The following PPP2R5E variants were observed in gnomAD, a reference collection of about 807,000 sequenced individuals.
PPP2R5E encodes the protein protein phosphatase 2 regulatory subunit B'epsilon.
In PPP2R5E, 4 loss-of-function variants were observed where a neutral mutation model predicts 65.3. That is an observed-to-expected ratio of 0.06 (90% CI 0.03 to 0.14). PPP2R5E has a LOEUF of 0.14. Among genes scored for constraint, PPP2R5E ranks in the 10% least tolerant of loss-of-function variants. PPP2R5E has a pLI of 1.00. For synonymous variants in PPP2R5E, 183 were observed against 187.4 expected (o/e 0.98, Z 0.19); for missense variants, 274 against 556.1 (o/e 0.49, Z 5.10).
At chr14:63,512,825 C>A (rs2139701776) in intron 2 of PPP2R5E, among the ~76,000 whole-genome samples, 1 of 151,484 alleles carries the variant, frequency 6.6e-6, no homozygotes, top group South Asian at 2.1e-4. Flanking sequence ...ATCCTCCCTA[C>A]CTATAAATGT....
intron 3 of PPP2R5E, among the ~76,000 whole-genome samples, chr14:63,433,264 C>T (rs1004452990): frequency 6.6e-5 from 10 of 151,974 alleles, no homozygotes; most frequent in African/African-American, 2.4e-4. Context: ...TCTCAAACTC[C>T]TGAGCACAGG....
chr14:63,417,489 G>GAA (rs61229217), intron 4 of PPP2R5E, among the ~76,000 whole-genome samples: 64 of 121,406 alleles, frequency 5.3e-4, no homozygotes, highest in East Asian at 1.3e-3. Context: ...TCATGAGGAG[G>GAA]AAAAAAAAAA....
intron 2 of PPP2R5E, among the ~76,000 whole-genome samples, chr14:63,472,461 A>G (rs1169225237): frequency 6.6e-6 from 1 of 152,232 alleles, no homozygotes; most frequent in Non-Finnish European, 1.5e-5. Flanking sequence ...AGGAAAATGT[A>G]ATGACACAGA....
In PPP2R5E at chr14:63,372,201, A is replaced by G. The variant is rs1883726046; in HGVS notation, c.*3808T>C. Reference sequence around the variant, plus strand: ...TTCCAAGAGAGATACTACTGCTGCTATCGTGCACAAGAAGCAGCACAAATT... The same window carrying G: ...TTCCAAGAGAGATACTACTGCTGCTGTCGTGCACAAGAAGCAGCACAAATT... On this transcript the variant is annotated 3_prime_UTR_variant, in exon 14 of 14. Coordinates refer to ENST00000337537, the MANE Select transcript of PPP2R5E (RefSeq NM_006246.5). 6.6e-6 allele frequency: 1 copy of G among 152,182 alleles called. No individual in the cohort carries two copies. The highest frequency in any genetic ancestry group is 2.4e-5 in the African/African-American group (1 of 41,446). The allele number at this position is 152,182 out of a possible 1,614,324, so 9.4% of individuals were successfully genotyped here.
intron 2 of PPP2R5E, among the ~76,000 whole-genome samples, chr14:63,527,127 C>T (rs1893215887): frequency 6.6e-6 from 1 of 152,148 alleles, no homozygotes; most frequent in Admixed American, 6.5e-5. Flanking sequence ...CAAGATCAAG[C>T]CGTTGCTCTC....
Position 63,408,502 on chromosome 14 carries a change from C to T in PPP2R5E, c.549+6638G>A, listed in dbSNP as rs555319002. Among the ~76,000 whole-genome samples, 6 of 152,228 alleles carry T rather than the reference C, an allele frequency of 3.9e-5. No individual in the cohort carries two copies. In the South Asian group the frequency reaches 1.2e-3, roughly 32 times the overall value. On this transcript the variant is annotated intron_variant, in intron 5 of 13. Transcript: ENST00000337537. ...CGCTATTATGTTCCATTCTACTGTT[C>T]CAAAGCCATACTGTTTTAATTAACT...
chr14:63,528,629 A>G (rs1893279874), intron 2 of PPP2R5E, among the ~76,000 whole-genome samples: 1 of 152,230 alleles, frequency 6.6e-6, no homozygotes, highest in Non-Finnish European at 1.5e-5. Flanking sequence ...TCATTAAACA[A>G]GTTTATATTT....
intron 1 of PPP2R5E, among the ~76,000 whole-genome samples, chr14:63,542,254 C>T (rs1219382365): frequency 6.6e-6 from 1 of 152,166 alleles, no homozygotes; most frequent in Non-Finnish European, 1.5e-5. Flanking sequence ...CCGTGCAAAG[C>T]CCAGGGAAAC....
At chr14:63,528,554 G>A (rs569898523) in intron 2 of PPP2R5E, among the ~76,000 whole-genome samples, 1 of 152,142 alleles carries the variant, frequency 6.6e-6, no homozygotes, top group African/African-American at 2.4e-5. Context: ...AATTACCAAA[G>A]CACAAACCCA....
Position 63,542,808 on chromosome 14 carries a change from T to C in PPP2R5E, c.-37A>G, listed in dbSNP as rs1206066382. ...AAGCTTCTGGGGAAGAATCCAAAGATGATCTGTGGCTTGGAGGGGCGGGAG... is the reference window on the plus strand; with the variant it reads ...AAGCTTCTGGGGAAGAATCCAAAGACGATCTGTGGCTTGGAGGGGCGGGAG... On this transcript the variant is annotated 5_prime_UTR_variant, in exon 1 of 14. Coordinates refer to ENST00000337537, the MANE Select transcript of PPP2R5E (RefSeq NM_006246.5). The C allele has an allele frequency of 6.6e-6, 1 of 152,048 alleles. No homozygotes were observed. Among genetic ancestry groups the C allele is most frequent in the African/African-American group, 2.4e-5 (1 of 40,920 alleles). The allele number at this position is 152,048 out of a possible 1,614,324, so 9.4% of individuals were successfully genotyped here.
At chr14:63,434,429 G>A (rs74060091) in intron 3 of PPP2R5E, among the ~76,000 whole-genome samples, 3,361 of 152,124 alleles carry the variant, frequency 0.022, 117 homozygotes, top group African/African-American at 0.076. Flanking sequence ...TCAAATGAAC[G>A]CCTCCAAGTC....
At position 63,453,679 on chromosome 14, in the gene PPP2R5E, A is replaced by G; in HGVS notation, c.354+10T>C. ...CTTAAAAGTGTCCGCGGAGAAAAAA[A>G]GAAACTCACCATTCTAACTACTTCA... On this transcript the variant is annotated intron_variant, in intron 3 of 13. Coordinates refer to ENST00000337537, the MANE Select transcript of PPP2R5E (RefSeq NM_006246.5). 6.2e-7 allele frequency: 1 copy of G among 1,612,210 alleles called. No individual in the cohort carries two copies. Among genetic ancestry groups the G allele is most frequent in the South Asian group, 1.1e-5 (1 of 90,826 alleles).
intron 2 of PPP2R5E, among the ~76,000 whole-genome samples, chr14:63,480,663 C>G (rs1421833941): frequency 6.6e-6 from 1 of 152,144 alleles, no homozygotes; most frequent in East Asian, 1.9e-4. Flanking sequence ...ACAGGCTGGT[C>G]TCGAACTCCT....
intron 3 of PPP2R5E, among the ~76,000 whole-genome samples, chr14:63,447,996 C>T (rs1382364027): frequency 6.6e-6 from 1 of 152,140 alleles, no homozygotes; most frequent in Non-Finnish European, 1.5e-5. Context: ...TGTCCCAAAG[C>T]AATTAAAATA....
Position 63,384,465 on chromosome 14 carries a change from A to T in PPP2R5E, c.1181T>A (p.Ile394Asn). ...CTACGGATTCCAATGTTCTTTTGAA[A>T]TCCTATAAAGGCTGGAAAACATGAT... ...LPIMFSSLYR[I>N]SKEHWNPAIV... Residue 394 changes from isoleucine to asparagine, a missense_variant, in exon 12 of 14, where the codon ATT (isoleucine) becomes AAT (asparagine). Physicochemically the swap from Ile to Asn is moderately radical, Grantham distance 149. Transcript: ENST00000337537. The T allele has an allele frequency of 6.2e-7, 1 of 1,613,602 alleles. No homozygotes were observed. Among genetic ancestry groups the T allele is most frequent in the Admixed American group, 1.7e-5 (1 of 60,012 alleles).
intron 2 of PPP2R5E, among the ~76,000 whole-genome samples, chr14:63,491,153 A>C (rs1178525700): frequency 2.0e-5 from 3 of 152,204 alleles, no homozygotes; most frequent in Non-Finnish European, 2.9e-5. Flanking sequence ...GCATATTTTC[A>C]CTTAAAAGTA....
chr14:63,409,235 A>G (rs1886260272), intron 5 of PPP2R5E, among the ~76,000 whole-genome samples: 1 of 151,938 alleles, frequency 6.6e-6, no homozygotes, highest in Admixed American at 6.6e-5. Flanking sequence ...TCTGTCTCAA[A>G]AAAACAATCA....
chr14:63,509,670 G>A (rs1394821688), intron 2 of PPP2R5E, among the ~76,000 whole-genome samples: 1 of 152,104 alleles, frequency 6.6e-6, no homozygotes, highest in Non-Finnish European at 1.5e-5. Context: ...CCAAATGTTA[G>A]AGGTTTGACT....
At chr14:63,491,523 G>A (rs1162755334) in intron 2 of PPP2R5E, among the ~76,000 whole-genome samples, 1 of 152,068 alleles carries the variant, frequency 6.6e-6, no homozygotes, top group Non-Finnish European at 1.5e-5. Context: ...TAATATTTTA[G>A]ATATACTGAG....
Sources: allele counts gnomAD v4.1 joint callset (sites outside exome capture counted in the v4.1 genomes callset), GRCh38; gene constraint gnomAD v4.1.1; transcripts MANE v1.5; gene names NCBI Gene and HGNC (gene_info 2026-07-23, HGNC 2026-07-21).